Variants in KIF7 observed in about 807,000 individuals in gnomAD.
KIF7 encodes the protein kinesin-like protein KIF7.
In KIF7, 104 loss-of-function variants were observed where a neutral mutation model predicts 135.7. The observed-to-expected ratio is 0.77, with a 90% CI of 0.65 to 0.90. The LOEUF (loss-of-function observed/expected upper bound fraction) is 0.90, where lower values mean the gene tolerates loss of function less well. KIF7 is among the 40% of genes least tolerant of loss of function. The pLI, the probability that KIF7 is intolerant of heterozygous loss-of-function variation, is 0.00. For synonymous variants in KIF7, 883 were observed against 809.4 expected, an observed-to-expected ratio of 1.09 and a Z score of -1.54; for missense variants, 2,005 against 1,839.1, an observed-to-expected ratio of 1.09 and a Z score of -1.65.
At chr15:89,625,996 C>T (rs758874962), downstream of KIF7, 3 of 1,611,032 alleles carry the variant, frequency 1.9e-6, no homozygotes, top group Non-Finnish European at 2.5e-6. Context: ...GCCCTCCAGG[C>T]TCTGACCCAG....
chr15:89,618,207 G>A (rs1181667454), intron 1 of KIF7: 2 of 1,613,962 alleles, frequency 1.2e-6, no homozygotes, highest in African/African-American at 2.7e-5. Flanking sequence ...TGAAAAAGGA[G>A]ATGGTGAGTG....
rs1963983786 is a variant in KIF7 at position 89,644,923 on chromosome 15, C to T, written c.2191+90G>A. On this transcript the variant is annotated intron_variant, in intron 10 of 18. Transcript: ENST00000394412. Reference sequence around the variant, plus strand: ...GCCATCCGGCCCCTGCTCCTAACCACCTCATTGTTGAAATCCCTCTAGAAC... The same window carrying T: ...GCCATCCGGCCCCTGCTCCTAACCATCTCATTGTTGAAATCCCTCTAGAAC... The T allele has an allele frequency of 2.6e-6, 4 of 1,542,812 alleles. No homozygotes were observed. In the South Asian group the frequency reaches 4.5e-5, roughly 17 times the overall value.
At chr15:89,650,431 T>C (rs1964105855) in intron 2 of KIF7, among the ~76,000 whole-genome samples, 1 of 152,188 alleles carries the variant, frequency 6.6e-6, no homozygotes, top group Non-Finnish European at 1.5e-5. Flanking sequence ...TTTGCTCTCG[T>C]TGCCCAAGCT....
At chr15:89,625,383 G>A (rs778894143), downstream of KIF7, 98 of 1,613,832 alleles carry the variant, frequency 6.1e-5, no homozygotes, top group East Asian at 1.1e-3. Context: ...GGAAGAGGGC[G>A]GTGGGCTGTG....
chr15:89,660,197 T>G (rs1458282320), upstream of KIF7, among the ~76,000 whole-genome samples: 1 of 152,154 alleles, frequency 6.6e-6, no homozygotes, highest in Non-Finnish European at 1.5e-5. Flanking sequence ...AAACTTGGTC[T>G]CAAAAAACAT....
rs1032720654 is a variant in KIF7 at position 89,653,034 on chromosome 15, G to C, written c.-24-80C>G. On this transcript the variant is annotated intron_variant, in intron 1 of 18. Transcript: ENST00000394412. ...CTCACCCTGCAGGGGACTCGAGCCA[G>C]ATCCTGCAGCTCCTGACCTTGGAGG... 7.1e-6 allele frequency: 8 copies of C among 1,126,824 alleles called. No individual in the cohort carries two copies. The African/African-American group carries it at 1.1e-4, about 15-fold the overall frequency. The allele number at this position is 1,126,824 out of a possible 1,614,324, so 69.8% of individuals were successfully genotyped here.
chr15:89,632,369 G>A lies in KIF7; in HGVS notation c.2895+451C>T, dbSNP rs113662809. Among the ~76,000 whole-genome samples, 1,516 of 152,302 alleles carry A rather than the reference G, an allele frequency of 1.0e-2. 27 individuals are homozygous for A. The highest frequency in any genetic ancestry group is 0.034 in the African/African-American group (1,425 of 41,552). The stretch of plus-strand genomic sequence containing the variant: ...TCTAGATGGAGTAATGATGCCAGGC[G>A]GAGAAGTCTCTTTCTATTTGGCTAT... On this transcript the variant is annotated intron_variant, in intron 14 of 18. Transcript: ENST00000394412.
chr15:89,650,270 G>C (rs1322496890), intron 2 of KIF7, among the ~76,000 whole-genome samples: 1 of 152,128 alleles, frequency 6.6e-6, no homozygotes, highest in Admixed American at 6.5e-5. Context: ...TTATCTAAAG[G>C]GCCTCCTAAA....
At chr15:89,642,985 T>G (rs1361667569) in intron 10 of KIF7, among the ~76,000 whole-genome samples, 1 of 152,256 alleles carries the variant, frequency 6.6e-6, no homozygotes, top group Non-Finnish European at 1.5e-5. Context: ...CTGTATATAA[T>G]TAAGCCTTTA....
At position 89,630,273 on chromosome 15, in the gene KIF7, G is replaced by A. The variant is rs746630755; in HGVS notation, c.3318+14C>T. On this transcript the variant is annotated intron_variant, in intron 16 of 18. Transcript: ENST00000394412. Reference sequence around the variant, plus strand: ...GCTGAGGAGGAGCTGGGGGGCCATGGGCTGCTGGCCCACCTTGTCAAAATA... The same window carrying A: ...GCTGAGGAGGAGCTGGGGGGCCATGAGCTGCTGGCCCACCTTGTCAAAATA... 37 of 1,613,110 alleles carry A rather than the reference G, an allele frequency of 2.3e-5. No individual in the cohort carries two copies. Among genetic ancestry groups the A allele is most frequent in the Non-Finnish European group, 3.0e-5 (35 of 1,179,402 alleles).
chr15:89,641,367 G>A (rs78147867), intron 11 of KIF7, among the ~76,000 whole-genome samples: 164 of 152,258 alleles, frequency 1.1e-3, no homozygotes, highest in Non-Finnish European at 2.0e-3. Flanking sequence ...CTAAACTTCT[G>A]CTGTTTAAAT....
Position 89,630,319 on chromosome 15 carries a change from T to A in KIF7, c.3286A>T (p.Thr1096Ser), listed in dbSNP as rs1567057796. ...AKLSYLSSSE[T>S]RALLCKYFDK... The stretch of plus-strand genomic sequence containing the variant: ...AAATACTTGCAGAGGAGGGCTCTGG[T>A]CTCTGAGGATGAGAGGTAGCTGAGC... Residue 1096 changes from threonine (T) to serine (S), a missense_variant, in exon 16 of 19, where the codon ACC (threonine) becomes TCC (serine). Transcript: ENST00000394412. The A allele has an allele frequency of 6.2e-7, 1 of 1,614,044 alleles. No homozygotes were observed. Among genetic ancestry groups the A allele is most frequent in the Admixed American group, 1.7e-5 (1 of 60,020 alleles).
chr15:89,638,262 A>G (rs913638056), intron 11 of KIF7, among the ~76,000 whole-genome samples: 1 of 113,574 alleles, frequency 8.8e-6, no homozygotes, highest in African/African-American at 3.3e-5. Context: ...CTCTCTCACC[A>G]CTCCTATTCA....
chr15:89,631,444 A>G, intron 15 of KIF7, 51 bp downstream of exon 15: 1 of 1,466,764 alleles, frequency 6.8e-7, no homozygotes, highest in Non-Finnish European at 9.3e-7. Flanking sequence ...GAGAGCAGAC[A>G]GACAGGCATA....
chr15:89,648,155 G>T, intron 5 of KIF7, 100 bp downstream of exon 5: 6 of 1,348,700 alleles, frequency 4.4e-6, no homozygotes, highest in Non-Finnish European at 5.7e-6. Flanking sequence ...CTGCTAATGG[G>T]CAGGAGGCAG....
chr15:89,651,215 T>C (rs1178642640), intron 2 of KIF7, among the ~76,000 whole-genome samples: 1 of 152,220 alleles, frequency 6.6e-6, no homozygotes, highest in Non-Finnish European at 1.5e-5. Flanking sequence ...TTCCCCTGCC[T>C]CAGCCTCCCA....
At chr15:89,662,596 G>T in the KIF7 span, among the ~76,000 whole-genome samples, 1 of 152,234 alleles carries the variant, frequency 6.6e-6, no homozygotes, top group African/African-American at 2.4e-5. Context: ...GGCTGAGTTA[G>T]AAGCGGGTTT....
intron 13 of KIF7, 52 bp downstream of exon 13, chr15:89,633,089 C>A: frequency 6.2e-7 from 1 of 1,600,636 alleles, no homozygotes; most frequent in Non-Finnish European, 8.5e-7. Flanking sequence ...AAAGGTGCAC[C>A]CACCAGCCAG....
chr15:89,639,086 A>G lies in KIF7; in HGVS notation c.2394+3117T>C, dbSNP rs977215672. ...ATGGTGCTGGGAAAACTGGCTAGCC[A>G]TATGTAGAAAGCTGAAACTGGATCC... On this transcript the variant is annotated intron_variant, in intron 11 of 18. Coordinates refer to ENST00000394412, the MANE Select transcript of KIF7 (RefSeq NM_198525.3). Among the ~76,000 whole-genome samples the G allele has an allele frequency of 3.6e-4, 55 of 152,182 alleles. 1 individual carries two copies. Among genetic ancestry groups the G allele is most frequent in the African/African-American group, 1.3e-3 (55 of 41,536 alleles).
Sources: gnomAD v4.1 joint callset for allele counts (sites outside exome capture counted in the v4.1 genomes callset) on GRCh38, gnomAD v4.1.1 for gene constraint, MANE v1.5 for transcripts, NCBI Gene and HGNC (gene_info 2026-07-23, HGNC 2026-07-21) for gene names.